POLR2F: variants seen among roughly 807,000 people sequenced by gnomAD.
POLR2F encodes the protein DNA-directed RNA polymerases I, II, and III subunit RPABC2.
A neutral mutation model predicts 22.7 loss-of-function variants in POLR2F; 12 were observed. That is an observed-to-expected ratio of 0.53 (90% CI 0.34 to 0.86). POLR2F has a LOEUF of 0.86. Ranked by LOEUF, POLR2F falls within the 40% of genes least tolerant of loss-of-function variation. The pLI, the probability that POLR2F is intolerant of heterozygous loss-of-function variation, is 0.02. For synonymous variants in POLR2F, 57 were observed against 66.0 expected, an observed-to-expected ratio of 0.86 and a Z score of 0.66; for missense variants, 126 against 171.5, an observed-to-expected ratio of 0.73 and a Z score of 1.48.
intron 1 of POLR2F, among the ~76,000 whole-genome samples, chr22:37,993,246 G>C (rs554746687): frequency 6.6e-6 from 1 of 152,202 alleles, no homozygotes; most frequent in African/African-American, 2.4e-5. Flanking sequence ...AGGGGAAGGG[G>C]CTTGTCAAGG....
At chr22:37,962,374 C>T (rs959121100) in intron 3 of POLR2F, among the ~76,000 whole-genome samples, 5 of 152,296 alleles carry the variant, frequency 3.3e-5, no homozygotes, top group Admixed American at 1.3e-4. Flanking sequence ...CTCCTCTAGT[C>T]CTGTAGGGGT....
intron 1 of POLR2F, among the ~76,000 whole-genome samples, chr22:38,024,638 C>T (rs889287206): frequency 1.3e-5 from 2 of 152,088 alleles, no homozygotes; most frequent in Non-Finnish European, 2.9e-5. Flanking sequence ...GAGAATGCCC[C>T]AGGCAGACCA....
chr22:38,038,775 C>T (rs2085141190), intron 5 of POLR2F, among the ~76,000 whole-genome samples: 1 of 151,178 alleles, frequency 6.6e-6, no homozygotes, highest in African/African-American at 2.4e-5. Flanking sequence ...CCCACCCACC[C>T]AAACTCCCTC....
chr22:38,035,573 C>CTGAA (rs1404740595), intron 5 of POLR2F, among the ~76,000 whole-genome samples: 1 of 152,216 alleles, frequency 6.6e-6, no homozygotes, highest in Non-Finnish European at 1.5e-5. Context: ...CTCTCCTGCC[C>CTGAA]ACCGGCCTCT....
intron 5 of POLR2F, among the ~76,000 whole-genome samples, chr22:38,037,816 C>A (rs1014067415): frequency 6.6e-6 from 1 of 152,164 alleles, no homozygotes; most frequent in African/African-American, 2.4e-5. Context: ...TAGTCTTGAT[C>A]TCCTGACCTC....
chr22:37,959,801 T>C (rs1290540177), intron 3 of POLR2F, among the ~76,000 whole-genome samples: 1 of 149,870 alleles, frequency 6.7e-6, no homozygotes, highest in African/African-American at 2.4e-5. Flanking sequence ...TGTACCAGTG[T>C]AGTTTTTTTT....
chr22:37,970,992 C>T (rs760630666), downstream of POLR2F: 12 of 272,418 alleles, frequency 4.4e-5, no homozygotes, highest in Non-Finnish European at 8.9e-5. Context: ...GAAGAGCTTC[C>T]ATGATGCAGG....
chr22:38,021,268 G>A (rs1057439570), intron 1 of POLR2F, among the ~76,000 whole-genome samples: 5 of 152,204 alleles, frequency 3.3e-5, no homozygotes, highest in Admixed American at 6.5e-5. Context: ...TGAGGTTGGT[G>A]AGGGTAGCCC....
chr22:38,033,911 C>CT (rs2085090325), intron 5 of POLR2F, among the ~76,000 whole-genome samples: 1 of 152,142 alleles, frequency 6.6e-6, no homozygotes, highest in Non-Finnish European at 1.5e-5. Flanking sequence ...CATGCTGACT[C>CT]TAAGTTTGCT....
chr22:37,977,495 T>A (rs1057262394), intron 4 of POLR2F, among the ~76,000 whole-genome samples: 3 of 151,902 alleles, frequency 2.0e-5, no homozygotes, highest in East Asian at 2.0e-4. Flanking sequence ...TAATTTTTTT[T>A]ATTTTTAGTA....
chr22:37,979,485 T>C (rs1334807941), intron 4 of POLR2F, among the ~76,000 whole-genome samples: 1 of 151,824 alleles, frequency 6.6e-6, no homozygotes, highest in East Asian at 1.9e-4. Context: ...CCTGATTGTG[T>C]GAATTCCAGT....
chr22:37,981,628 T>TACTG (rs796125279), upstream of POLR2F, among the ~76,000 whole-genome samples: 5 of 152,326 alleles, frequency 3.3e-5, no homozygotes, highest in African/African-American at 1.2e-4. Context: ...GTTGGGCTCG[T>TACTG]ACTGTGGTCT....
chr22:37,971,426 C>G, downstream of POLR2F: 1 of 400,460 alleles, frequency 2.5e-6, no homozygotes, highest in Non-Finnish European at 5.2e-6. Flanking sequence ...GGAAGAACTT[C>G]CAACCATCGG....
downstream of POLR2F, chr22:37,972,845 G>GTCTGTTTCTC (rs1932100155): frequency 6.5e-6 from 1 of 153,688 alleles, no homozygotes; most frequent in Non-Finnish European, 1.4e-5. Flanking sequence ...GACAAAGAAT[G>GTCTGTTTCTC]AGGTTATTGG....
rs544481276 is a variant in POLR2F, at chr22:38,016,948, G to A, written c.121-8921G>A. Among the ~76,000 whole-genome samples the A allele has an allele frequency of 1.6e-4, 24 of 152,272 alleles. No individual in the cohort carries two copies. The highest frequency in any genetic ancestry group is 1.2e-3 in the Admixed American group (18 of 15,306). ...TGGGCGGATGTGCCGGCAGCTGGGCGGCCGGGAGAGATGGAGCCAGGCCGG... is the reference window on the plus strand; with the variant it reads ...TGGGCGGATGTGCCGGCAGCTGGGCAGCCGGGAGAGATGGAGCCAGGCCGG... On this transcript the variant is annotated intron_variant, in intron 1 of 2. Transcript: ENST00000333418. The surrounding 1 kb of genome is among the most constrained non-coding windows in gnomAD (Gnocchi z 4.4).
chr22:38,021,088 C>T (rs2084957173), intron 1 of POLR2F, among the ~76,000 whole-genome samples: 1 of 152,150 alleles, frequency 6.6e-6, no homozygotes, highest in Non-Finnish European at 1.5e-5. Flanking sequence ...CCCACGTGGA[C>T]CTTTCCTGGG....
chr22:37,965,056 G>T (rs1487899192), intron 3 of POLR2F, among the ~76,000 whole-genome samples: 1 of 152,178 alleles, frequency 6.6e-6, no homozygotes, highest in South Asian at 2.1e-4. Context: ...ACCTAGGCTG[G>T]AGTGCAGTGG....
rs569625316 is a variant in POLR2F, at chr22:38,004,515, A to T, written c.120+18203A>T. Among the ~76,000 whole-genome samples, 82 of 152,252 alleles carry T rather than the reference A, an allele frequency of 5.4e-4. 3 individuals are homozygous for T. In the South Asian group the frequency reaches 0.011, roughly 20 times the overall value. Reference sequence around the variant, plus strand: ...CTCGCTGAGTTCTCATGACTGCCAGAATGGAGCAAGAGATGGCAGGCAGTC... The same window carrying T: ...CTCGCTGAGTTCTCATGACTGCCAGTATGGAGCAAGAGATGGCAGGCAGTC... On this transcript the variant is annotated intron_variant, in intron 1 of 2. Transcript: ENST00000333418.
chr22:37,996,687 G>A (rs28735659), intron 1 of POLR2F, among the ~76,000 whole-genome samples: 6,256 of 152,206 alleles, frequency 0.041, 178 homozygotes, highest in Non-Finnish European at 0.062. Flanking sequence ...TGAAAGGCTG[G>A]GCTCTGTCAG....
Sources: gnomAD v4.1 joint callset for allele counts (sites outside exome capture counted in the v4.1 genomes callset) on GRCh38, gnomAD v4.1.1 for gene constraint, Gnocchi (gnomAD v3.1) non-coding constraint, MANE v1.5 for transcripts, NCBI Gene and HGNC (gene_info 2026-07-23, HGNC 2026-07-21) for gene names.